The following NCOR2 variants were observed in gnomAD, a reference collection of about 807,000 sequenced individuals.
The protein encoded by NCOR2 is nuclear receptor corepressor 2.
NCOR2 carries 81 observed loss-of-function variants against 262.9 expected under a neutral mutation model. The observed-to-expected ratio is 0.31, with a 90% CI of 0.26 to 0.37. The LOEUF is 0.37. Among genes scored for constraint, NCOR2 ranks in the 10% least tolerant of loss-of-function variants. The pLI is 1.00. For missense variants in NCOR2, 3,385 were observed against 3,621.4 expected (o/e 0.93, Z 1.68); for synonymous variants, 1,659 against 1,559.3 (o/e 1.06, Z -1.51).
At chr12:124,429,768 CCT>C (rs1165914764) in intron 9 of NCOR2, 62 bp from the exon 12 acceptor site, 97 of 1,454,500 alleles carry the variant, frequency 6.7e-5, no homozygotes, top group Non-Finnish European at 8.1e-5. Flanking sequence ...CTAGCAGACC[CCT>C]GTGGCGCAGC....
rs573090333 is a variant in NCOR2, at chr12:124,380,816, G to A, written c.2020-2432C>T. Among the ~76,000 whole-genome samples the A allele has an allele frequency of 5.9e-5, 9 of 152,192 alleles. No individual in the cohort carries two copies. In the South Asian group the frequency reaches 6.2e-4, roughly 11 times the overall value. On this transcript the variant is annotated intron_variant, in intron 17 of 46. Transcript: ENST00000405201. Reference sequence around the variant, plus strand: ...GCGTGGGGTCTCTGAGGCAGTGGACGGGGATGGTGCCAACACCCTGAATCC... The same window carrying A: ...GCGTGGGGTCTCTGAGGCAGTGGACAGGGATGGTGCCAACACCCTGAATCC...
exon 45 of NCOR2, chr12:124,327,440 G>A (rs375299131): frequency 2.5e-5 from 40 of 1,612,134 alleles, no homozygotes; most frequent in Middle Eastern, 2.0e-4. Context: ...CACTCCGTCC[G>A]TCAGCAGCGG....
chr12:124,378,612 C>A lies in NCOR2; in HGVS notation c.2020-228G>T, dbSNP rs2040192451. Among the ~76,000 whole-genome samples, 1 of 152,230 alleles carries A rather than the reference C, an allele frequency of 6.6e-6. No homozygotes were observed. Among genetic ancestry groups the A allele is most frequent in the Non-Finnish European group, 1.5e-5 (1 of 68,032 alleles). ...GCCCCAGATACACTCTGGGTACAGG[C>A]TGGCCCCTCAGCCACCCTGACATCC... On this transcript the variant is annotated intron_variant, in intron 17 of 46. Transcript: ENST00000405201. The surrounding 1 kb of genome is among the most constrained non-coding windows in gnomAD (Gnocchi z 4.2).
At chr12:124,338,486 C>A (rs533614178) in intron 37 of NCOR2, among the ~76,000 whole-genome samples, 1 of 140,308 alleles carries the variant, frequency 7.1e-6, no homozygotes, top group Non-Finnish European at 1.5e-5. Context: ...CCAGCCTGGG[C>A]GACAGAGTAC....
At chr12:124,416,976 T>C (rs1353101931) in intron 13 of NCOR2, among the ~76,000 whole-genome samples, 2 of 152,176 alleles carry the variant, frequency 1.3e-5, no homozygotes, top group Non-Finnish European at 2.9e-5. Context: ...CAATAAATGC[T>C]CAATCAATGG....
chr12:124,422,392 C>A (rs2043259083), intron 12 of NCOR2, 109 bp downstream of exon 14: 4 of 1,316,858 alleles, frequency 3.0e-6, no homozygotes, highest in Non-Finnish European at 4.3e-6. Context: ...GAGCAAGGGG[C>A]CAGGCAGGCC....
At chr12:124,335,269 G>T (rs2035779489) in exon 40 of NCOR2, 1 of 1,600,850 alleles carries the variant, frequency 6.2e-7, no homozygotes, top group East Asian at 2.2e-5. Context: ...TCCCCGCCAA[G>T]CTTCACGGGG....
chr12:124,532,772 C>G (rs2050881055), intron 1 of NCOR2, among the ~76,000 whole-genome samples: 1 of 152,164 alleles, frequency 6.6e-6, no homozygotes, highest in Non-Finnish European at 1.5e-5. Context: ...CAGCCCAGAC[C>G]AGGCCGCTTT....
chr12:124,421,939 A>G (rs1197143016), intron 12 of NCOR2, among the ~76,000 whole-genome samples: 1 of 152,236 alleles, frequency 6.6e-6, no homozygotes, highest in African/African-American at 2.4e-5. Context: ...AGTGGGCTTT[A>G]GGCCTCAGGT....
At chr12:124,465,094 C>G (rs868211484) in intron 5 of NCOR2, among the ~76,000 whole-genome samples, 5 of 152,036 alleles carry the variant, frequency 3.3e-5, no homozygotes, top group Non-Finnish European at 5.9e-5. Context: ...GGCCTCCCCA[C>G]CCCCACCTCA....
intron 7 of NCOR2, among the ~76,000 whole-genome samples, chr12:124,445,786 T>C (rs1468214655): frequency 6.6e-6 from 1 of 152,230 alleles, no homozygotes; most frequent in African/African-American, 2.4e-5. Flanking sequence ...GAACAGTGCC[T>C]GGCGTGTAGT....
chr12:124,461,697 G>A (rs1048448727), intron 5 of NCOR2, among the ~76,000 whole-genome samples: 6 of 152,188 alleles, frequency 3.9e-5, no homozygotes, highest in African/African-American at 9.7e-5. Context: ...GCCATCTCAC[G>A]CACATCCACC....
chr12:124,424,275 C>T (rs1333709953), intron 11 of NCOR2, among the ~76,000 whole-genome samples: 1 of 152,106 alleles, frequency 6.6e-6, no homozygotes, highest in African/African-American at 2.4e-5. Context: ...GAATCTCAAA[C>T]GCAACAGTAA....
intron 28 of NCOR2, among the ~76,000 whole-genome samples, chr12:124,349,097 G>A (rs775740958): frequency 6.6e-6 from 1 of 152,242 alleles, no homozygotes; most frequent in African/African-American, 2.4e-5. Flanking sequence ...CGTGTGCACG[G>A]AGAGGTGTGT....
chr12:124,357,847 A>T (rs1044731556), intron 22 of NCOR2, among the ~76,000 whole-genome samples: 1 of 87,642 alleles, frequency 1.1e-5, no homozygotes, highest in South Asian at 3.7e-4. Flanking sequence ...TGTGTGTGTG[A>T]GTGCATGGAT....
Position 124,340,460 on chromosome 12 carries a change from C to G in NCOR2, c.5339-17G>C, listed in dbSNP as rs182890343. 1.4e-3 allele frequency: 2,206 copies of G among 1,609,238 alleles called. 23 individuals carry two copies. The African/African-American group carries it at 0.025, about 19-fold the overall frequency. On this transcript the variant is annotated splice_polypyrimidine_tract_variant and intron_variant, in intron 35 of 46. Coordinates refer to ENST00000405201, the Ensembl canonical transcript of NCOR2. ...TTGGACCTCCTAGGAAACCCAAAGG[C>G]CAGAGACTCAGCCCCAGGGCCGAAG...
chr12:124,520,233 T>C (rs1041782095), intron 1 of NCOR2, among the ~76,000 whole-genome samples: 1 of 152,044 alleles, frequency 6.6e-6, no homozygotes, highest in Non-Finnish European at 1.5e-5. Flanking sequence ...CTTTTATAGG[T>C]AGGGAAACTG....
intron 20 of NCOR2, among the ~76,000 whole-genome samples, chr12:124,364,285 G>T (rs541830707): frequency 6.6e-6 from 1 of 152,358 alleles, no homozygotes; most frequent in East Asian, 1.9e-4. Context: ...TTCACCAAGA[G>T]ATTCCTCATC....
intron 44 of NCOR2, 98 bp downstream of exon 46, chr12:124,330,747 T>C (rs957914048): frequency 7.5e-7 from 1 of 1,330,924 alleles, no homozygotes; most frequent in African/African-American, 1.5e-5. Context: ...ACACCCAGAC[T>C]AGCGAAGGCT....
Sources: gnomAD v4.1 joint callset for allele counts (sites outside exome capture counted in the v4.1 genomes callset) on GRCh38, gnomAD v4.1.1 for gene constraint, Gnocchi (gnomAD v3.1) non-coding constraint, MANE v1.5 for transcripts, NCBI Gene and HGNC (gene_info 2026-07-23, HGNC 2026-07-21) for gene names.